The following PKP4 variants were observed in gnomAD, a reference collection of about 807,000 sequenced individuals.
The protein encoded by PKP4 is plakophilin 4, also known as plakophilin-4.
A neutral mutation model predicts 145.1 loss-of-function variants in PKP4; 90 were observed. That is an observed-to-expected ratio of 0.62 (90% CI 0.52 to 0.74). The LOEUF is 0.74. PKP4 is among the 30% of genes least tolerant of loss of function. The pLI, the probability that PKP4 is intolerant of heterozygous loss-of-function variation, is 0.00. For missense variants in PKP4, 1,340 were observed against 1,482.7 expected (o/e 0.90, Z 1.58); for synonymous variants, 563 against 577.2 (o/e 0.98, Z 0.35).
In PKP4 at chr2:158,589,200, C is replaced by T. The variant is rs1018005750; in HGVS notation, c.245+11817C>T. Reference sequence around the variant, plus strand: ...ATTTGCAGTTTGATAGTAAATGTCTCGTGCATGTTATCCTCTTACTCTTCA... The same window carrying T: ...ATTTGCAGTTTGATAGTAAATGTCTTGTGCATGTTATCCTCTTACTCTTCA... On this transcript the variant is annotated intron_variant, in intron 3 of 21. Transcript: ENST00000389759. Among the ~76,000 whole-genome samples, 10 of 152,172 alleles carry T rather than the reference C, an allele frequency of 6.6e-5. No homozygotes were observed. The South Asian group carries it at 1.0e-3, about 16-fold the overall frequency.
intron 1 of PKP4, among the ~76,000 whole-genome samples, chr2:158,481,546 A>G (rs1693358773): frequency 6.6e-6 from 1 of 152,120 alleles, no homozygotes; most frequent in African/African-American, 2.4e-5. Context: ...ATTCTCACCA[A>G]CGCATGTTAT....
At chr2:158,582,572 G>A (rs1225270569) in intron 3 of PKP4, among the ~76,000 whole-genome samples, 1 of 152,154 alleles carries the variant, frequency 6.6e-6, no homozygotes, top group Non-Finnish European at 1.5e-5. Context: ...CACAATTCAT[G>A]TGTCTGTAAG....
chr2:158,673,662 T>G lies in PKP4; in HGVS notation c.2925-15T>G. 6.3e-7 allele frequency: 1 copy of G among 1,593,636 alleles called. No homozygotes were observed. The highest frequency in any genetic ancestry group is 1.3e-5 in the African/African-American group (1 of 74,668). On this transcript the variant is annotated splice_polypyrimidine_tract_variant and intron_variant, in intron 17 of 21. Transcript: ENST00000389759. Reference sequence around the variant, plus strand: ...GTGTCACCCACATTCATTAATATCCTTGCTCTCTACCTAGATCATCTCTGA... The same window carrying G: ...GTGTCACCCACATTCATTAATATCCGTGCTCTCTACCTAGATCATCTCTGA...
At chr2:158,526,097 G>T (rs10454743) in intron 1 of PKP4, among the ~76,000 whole-genome samples, 66 of 151,294 alleles carry the variant, frequency 4.4e-4, no homozygotes, top group African/African-American at 1.6e-3. Context: ...CTATTCCAAT[G>T]AATAGAAAAA....
chr2:158,590,570 T>A (rs2049184716), intron 3 of PKP4, among the ~76,000 whole-genome samples: 1 of 152,002 alleles, frequency 6.6e-6, no homozygotes, highest in South Asian at 2.1e-4. Flanking sequence ...AACTAATGCT[T>A]ACAAAGTACA....
At chr2:158,474,631 C>G (rs559918148) in intron 1 of PKP4, among the ~76,000 whole-genome samples, 1 of 152,276 alleles carries the variant, frequency 6.6e-6, no homozygotes, top group African/African-American at 2.4e-5. Flanking sequence ...AATGGTTTTT[C>G]ACCAGTGCCC....
chr2:158,498,017 A>G (rs771665687), intron 1 of PKP4, among the ~76,000 whole-genome samples: 101 of 152,278 alleles, frequency 6.6e-4, no homozygotes, highest in Admixed American at 1.1e-3. Flanking sequence ...AAGAGAGGAT[A>G]ATGGAGGAAG....
chr2:158,601,740 G>A (rs368095334), intron 3 of PKP4, among the ~76,000 whole-genome samples: 131 of 152,304 alleles, frequency 8.6e-4, no homozygotes, highest in African/African-American at 2.9e-3. Context: ...TACTGCACCT[G>A]TGATGGAGAA....
At chr2:158,473,594 G>C (rs912267977) in intron 1 of PKP4, among the ~76,000 whole-genome samples, 2 of 151,952 alleles carry the variant, frequency 1.3e-5, no homozygotes, top group African/African-American at 2.4e-5. Flanking sequence ...CTTATAAGTG[G>C]GAGCTAAATG....
intron 20 of PKP4, among the ~76,000 whole-genome samples, chr2:158,678,177 CCT>C (rs1429539321): frequency 6.6e-6 from 1 of 152,192 alleles, no homozygotes; most frequent in African/African-American, 2.4e-5. Flanking sequence ...TTTCGCTTCT[CCT>C]CTCTGACCCA....
At chr2:158,544,195 G>A (rs746487546) in intron 2 of PKP4, among the ~76,000 whole-genome samples, 4 of 152,140 alleles carry the variant, frequency 2.6e-5, no homozygotes, top group Non-Finnish European at 5.9e-5. Context: ...AGCCAGCCAG[G>A]TAGTGTTTCC....
intron 3 of PKP4, among the ~76,000 whole-genome samples, chr2:158,601,937 A>C (rs1354861040): frequency 6.6e-6 from 1 of 152,176 alleles, no homozygotes; most frequent in African/African-American, 2.4e-5. Context: ...TATTTGGCAG[A>C]ATGTTTCCTT....
intron 4 of PKP4, among the ~76,000 whole-genome samples, chr2:158,610,874 G>A (rs1044343980): frequency 6.6e-6 from 1 of 152,176 alleles, no homozygotes; most frequent in African/African-American, 2.4e-5. Flanking sequence ...TTACAGGGCT[G>A]GAATGTGCTG....
At chr2:158,673,528 G>T (rs2057746334) in intron 17 of PKP4, 149 bp from the exon 18 acceptor site, 1 of 642,998 alleles carries the variant, frequency 1.6e-6, no homozygotes, top group Non-Finnish European at 2.8e-6. Flanking sequence ...AGGCACACCT[G>T]GTCCCTTTGT....
intron 2 of PKP4, among the ~76,000 whole-genome samples, chr2:158,564,536 T>C (rs927168543): frequency 3.3e-5 from 5 of 152,194 alleles, no homozygotes; most frequent in Non-Finnish European, 4.4e-5. Context: ...ATGAGGAATA[T>C]GGCTTTTTAA....
chr2:158,592,826 G>A (rs1425416102), intron 3 of PKP4, among the ~76,000 whole-genome samples: 2 of 152,056 alleles, frequency 1.3e-5, no homozygotes, highest in African/African-American at 2.4e-5. Context: ...ATGAAATAAT[G>A]TACGAAATTA....
chr2:158,665,576 A>C (rs996168896), intron 15 of PKP4, among the ~76,000 whole-genome samples: 5 of 152,204 alleles, frequency 3.3e-5, no homozygotes, highest in Non-Finnish European at 5.9e-5. Flanking sequence ...AATTACCCTA[A>C]AATTTGAAAG....
At chr2:158,622,654 CAG>C (rs1488717261) in intron 6 of PKP4, among the ~76,000 whole-genome samples, 1 of 152,006 alleles carries the variant, frequency 6.6e-6, no homozygotes, top group African/African-American at 2.4e-5. Flanking sequence ...GGAGAAATTT[CAG>C]AGTCATTTAA....
chr2:158,583,402 A>G (rs1260958128), intron 3 of PKP4, among the ~76,000 whole-genome samples: 1 of 152,204 alleles, frequency 6.6e-6, no homozygotes, highest in Non-Finnish European at 1.5e-5. Flanking sequence ...CTTACTCCGT[A>G]TTTTATTGAT....
Sources: allele counts gnomAD v4.1 joint callset (sites outside exome capture counted in the v4.1 genomes callset), GRCh38; gene constraint gnomAD v4.1.1; transcripts MANE v1.5; gene names NCBI Gene and HGNC (gene_info 2026-07-23, HGNC 2026-07-21).